RERE: variants seen among roughly 807,000 people sequenced by gnomAD.
RERE encodes the protein arginine-glutamic acid dipeptide repeats, also known as arginine-glutamic acid dipeptide repeats protein.
Under a neutral mutation model 146.1 loss-of-function variants are expected in RERE, and 40 were observed. The observed-to-expected ratio is 0.27, with a 90% CI of 0.21 to 0.36. The LOEUF is 0.36. Among genes scored for constraint, RERE ranks in the 10% least tolerant of loss-of-function variants. The pLI is 1.00. For synonymous variants in RERE, 1,003 were observed against 866.0 expected, an observed-to-expected ratio of 1.16 and a Z score of -2.78; for missense variants, 1,933 against 2,138.7, an observed-to-expected ratio of 0.90 and a Z score of 1.90.
At chr1:8,778,243 T>G (rs1274171673) in intron 1 of RERE, among the ~76,000 whole-genome samples, 1 of 152,236 alleles carries the variant, frequency 6.6e-6, no homozygotes, top group Non-Finnish European at 1.5e-5. Context: ...TTCTGCTGTA[T>G]TCAGCTCTAA....
At chr1:8,367,066 G>GCA (rs1311714366) in intron 12 of RERE, among the ~76,000 whole-genome samples, 4 of 152,168 alleles carry the variant, frequency 2.6e-5, no homozygotes, top group Non-Finnish European at 4.4e-5. Flanking sequence ...GGAGGTACCT[G>GCA]CACCCTCACT....
intron 5 of RERE, 110 bp downstream of exon 5, chr1:8,557,308 A>G (rs1449974245): frequency 2.8e-6 from 2 of 725,670 alleles, no homozygotes; most frequent in Non-Finnish European, 4.8e-6. Flanking sequence ...GCCTACCAAC[A>G]CTCCAAAATC....
rs189108688 is a variant in RERE, at chr1:8,765,727, G to T, written c.-145+51433C>A. ...TCAGCACTTTGGGAGACCGAGGCAG[G>T]CGGATCACAAGGTCAGGAGATCGAG... On this transcript the variant is annotated intron_variant, in intron 1 of 22. Transcript: ENST00000400908. Among the ~76,000 whole-genome samples, 24 of 152,308 alleles carry T rather than the reference G, an allele frequency of 1.6e-4. No individual in the cohort carries two copies. In the East Asian group the frequency reaches 4.4e-3, roughly 28 times the overall value.
intron 1 of RERE, among the ~76,000 whole-genome samples, chr1:8,683,031 C>CAA (rs71580039): frequency 0.14 from 9,171 of 65,152 alleles, 942 homozygotes; most frequent in Non-Finnish European, 0.17. Context: ...CTGTCTTTAC[C>CAA]AAAAAAAAAA....
chr1:8,421,174 A>C (rs1178802304), intron 12 of RERE, among the ~76,000 whole-genome samples: 1 of 152,230 alleles, frequency 6.6e-6, no homozygotes, highest in Non-Finnish European at 1.5e-5. Context: ...AACTTTTAGC[A>C]GAGCAGAGAC....
chr1:8,779,155 A>C (rs969563272), intron 1 of RERE, among the ~76,000 whole-genome samples: 1 of 151,898 alleles, frequency 6.6e-6, no homozygotes, highest in East Asian at 1.9e-4. Flanking sequence ...TCCAGTTACT[A>C]AACAGTTTTA....
chr1:8,408,789 T>G (rs1027614827), intron 12 of RERE, among the ~76,000 whole-genome samples: 2 of 152,056 alleles, frequency 1.3e-5, no homozygotes, highest in Admixed American at 1.3e-4. Context: ...AGGTTATGTG[T>G]GCTATAAAAA....
chr1:8,601,703 AC>A (rs1412946599), intron 4 of RERE, among the ~76,000 whole-genome samples: 6 of 139,928 alleles, frequency 4.3e-5, no homozygotes, highest in Admixed American at 1.5e-4. Flanking sequence ...GGATTGAGAT[AC>A]CTTAATCCCA....
intron 1 of RERE, among the ~76,000 whole-genome samples, chr1:8,779,324 G>A (rs925256257): frequency 2.7e-5 from 4 of 148,644 alleles, no homozygotes; most frequent in Admixed American, 2.0e-4. Context: ...TCAGGAGTTC[G>A]AGACCAGCCT....
intron 4 of RERE, among the ~76,000 whole-genome samples, chr1:8,565,351 A>T (rs1646140955): frequency 6.6e-6 from 1 of 152,236 alleles, no homozygotes; most frequent in Non-Finnish European, 1.5e-5. Context: ...ATGAAATTTT[A>T]AAAATGAAAT....
At chr1:8,540,456 G>A (rs1458070738) in intron 7 of RERE, among the ~76,000 whole-genome samples, 1 of 152,148 alleles carries the variant, frequency 6.6e-6, no homozygotes, top group Non-Finnish European at 1.5e-5. Flanking sequence ...GTATAAACAT[G>A]TCTTGGGTGT....
At chr1:8,382,232 C>T (rs977173827) in intron 12 of RERE, among the ~76,000 whole-genome samples, 1 of 152,268 alleles carries the variant, frequency 6.6e-6, no homozygotes, top group Non-Finnish European at 1.5e-5. Context: ...CAAGGACAGC[C>T]TGCTGAGCTG....
Position 8,595,892 on chromosome 1 carries a change from A to C in RERE, c.522+18669T>G, listed in dbSNP as rs888979785. ...AATGACCCTCAAACCTTACACAGGC[A>C]CAAGGCTACAATGAAGAAAGCAAGT... is the stretch of plus-strand genomic sequence containing the variant. On this transcript the variant is annotated intron_variant, in intron 4 of 22. Transcript: ENST00000400908. Among the ~76,000 whole-genome samples the C allele has an allele frequency of 3.3e-5, 5 of 152,370 alleles. No homozygotes were observed. In the East Asian group the frequency reaches 9.6e-4, roughly 29 times the overall value.
intron 2 of RERE, among the ~76,000 whole-genome samples, chr1:8,625,567 A>G (rs1362270889): frequency 6.6e-6 from 1 of 152,122 alleles, no homozygotes; most frequent in African/African-American, 2.4e-5. Flanking sequence ...CGGCCTCCCA[A>G]AGTGCTGTGA....
At chr1:8,803,055 A>G (rs1047789143) in intron 1 of RERE, among the ~76,000 whole-genome samples, 6 of 152,240 alleles carry the variant, frequency 3.9e-5, no homozygotes, top group African/African-American at 7.2e-5. Context: ...AAAAGAATTT[A>G]TAAGTTATAT....
intron 11 of RERE, among the ~76,000 whole-genome samples, chr1:8,439,902 G>A (rs561812976): frequency 1.7e-4 from 26 of 151,978 alleles, no homozygotes; most frequent in Admixed American, 6.5e-4. Flanking sequence ...GTGAAACCCC[G>A]TCTACACTAA....
At chr1:8,388,444 T>C (rs543134377) in intron 12 of RERE, among the ~76,000 whole-genome samples, 229 of 152,108 alleles carry the variant, frequency 1.5e-3, no homozygotes, top group Middle Eastern at 0.01. Context: ...CTCAGCCTCC[T>C]GAGTAGCTGG....
intron 2 of RERE, among the ~76,000 whole-genome samples, chr1:8,639,387 G>A (rs899984885): frequency 5.3e-5 from 8 of 152,146 alleles, no homozygotes; most frequent in Non-Finnish European, 7.4e-5. Flanking sequence ...AAAAGCTTGC[G>A]CTCCATGATG....
rs1165768956 is a variant in RERE at position 8,498,126 on chromosome 1, C to A, written c.880-597G>T. On this transcript the variant is annotated intron_variant, in intron 8 of 22. Coordinates refer to ENST00000400908, the MANE Select transcript of RERE (RefSeq NM_001042681.2). ...CTGTAATCCCAGCACTTTGGGAGGCCGAGGTGGGTGGATCACAAGGTCAGG... is the reference window on the plus strand; with the variant it reads ...CTGTAATCCCAGCACTTTGGGAGGCAGAGGTGGGTGGATCACAAGGTCAGG... 9.0e-5 allele frequency among the ~76,000 whole-genome samples: 13 copies of A among 144,452 alleles called. No homozygotes were observed. In the South Asian group the frequency reaches 2.7e-3, roughly 30 times the overall value. The allele number at this position is 144,452 out of a possible 152,430, so 94.8% of individuals were successfully genotyped here.
Sources: allele counts gnomAD v4.1 joint callset (sites outside exome capture counted in the v4.1 genomes callset), GRCh38; gene constraint gnomAD v4.1.1; transcripts MANE v1.5; gene names NCBI Gene and HGNC (gene_info 2026-07-23, HGNC 2026-07-21).